Variants in DCHS2 observed in about 807,000 individuals in gnomAD.
The protein encoded by DCHS2 is protocadherin-23.
Under a neutral mutation model 182.4 loss-of-function variants are expected in DCHS2, and 142 were observed. The observed-to-expected ratio is 0.78, with a 90% CI of 0.68 to 0.89. DCHS2 has a LOEUF of 0.89. Among genes scored for constraint, DCHS2 ranks in the 40% least tolerant of loss-of-function variants. DCHS2 has a pLI of 0.00. For synonymous variants in DCHS2, 1,740 were observed against 1,663.3 expected, an observed-to-expected ratio of 1.05 and a Z score of -1.12; for missense variants, 4,319 against 4,198.6, an observed-to-expected ratio of 1.03 and a Z score of -0.79.
intron 1 of DCHS2, among the ~76,000 whole-genome samples, chr4:154,420,433 G>A (rs1217063064): frequency 6.6e-6 from 1 of 152,122 alleles, no homozygotes; most frequent in Non-Finnish European, 1.5e-5. Flanking sequence ...GAAGAGAATG[G>A]CATACCTCAG....
chr4:154,399,569 C>T (rs1408615983), intron 1 of DCHS2, among the ~76,000 whole-genome samples: 2 of 152,064 alleles, frequency 1.3e-5, no homozygotes, highest in Non-Finnish European at 2.9e-5. Flanking sequence ...ATGAGAACTG[C>T]GAATAATAAA....
chr4:154,279,450 G>T (rs569500297), intron 13 of DCHS2, among the ~76,000 whole-genome samples: 5 of 151,980 alleles, frequency 3.3e-5, no homozygotes, highest in Admixed American at 2.0e-4. Context: ...TGTAGGGTTG[G>T]CCATACTTTT....
chr4:154,375,262 C>T (rs960570666), intron 2 of DCHS2, among the ~76,000 whole-genome samples: 1 of 151,940 alleles, frequency 6.6e-6, no homozygotes, highest in African/African-American at 2.4e-5. Context: ...CTAAGATAAG[C>T]AAATATTTCT....
chr4:154,326,767 A>G (rs544372438), intron 7 of DCHS2, among the ~76,000 whole-genome samples: 1 of 152,240 alleles, frequency 6.6e-6, no homozygotes, highest in East Asian at 1.9e-4. Context: ...GAGTGAATCA[A>G]TACAATAGTG....
intron 1 of DCHS2, among the ~76,000 whole-genome samples, chr4:154,482,939 G>A (rs984965830): frequency 3.3e-5 from 5 of 152,304 alleles, no homozygotes; most frequent in South Asian, 2.1e-4. Context: ...TGCTTAAAGC[G>A]AATGAGGTTG....
At position 154,386,758 on chromosome 4, in the gene DCHS2, A is replaced by G. The variant is rs114379348; in HGVS notation, c.2053-9314T>C. ...AATCTAATACTGTGTATAGGATACA[A>G]GCACGTTTAAGAAATAAACTTTATG... On this transcript the variant is annotated intron_variant, in intron 1 of 19. Coordinates refer to ENST00000357232, the MANE Select transcript of DCHS2 (RefSeq NM_001358235.2). Among the ~76,000 whole-genome samples, 164 of 152,330 alleles carry G rather than the reference A, an allele frequency of 1.1e-3. 1 individual carries two copies. The highest frequency in any genetic ancestry group is 2.0e-3 in the Non-Finnish European group (137 of 68,032).
At chr4:154,424,673 G>T (rs1733250078) in intron 1 of DCHS2, among the ~76,000 whole-genome samples, 1 of 152,212 alleles carries the variant, frequency 6.6e-6, no homozygotes, top group Non-Finnish European at 1.5e-5. Context: ...TCTAAAAACT[G>T]CAACTTGTCA....
At chr4:154,384,011 T>C (rs182413477) in intron 1 of DCHS2, among the ~76,000 whole-genome samples, 1 of 152,312 alleles carries the variant, frequency 6.6e-6, no homozygotes, top group East Asian at 1.9e-4. Context: ...AGAAACAAAG[T>C]TATTAACACA....
Position 154,470,330 on chromosome 4 carries a change from A to G in DCHS2, c.2052+18974T>C, listed in dbSNP as rs577997913. Reference sequence around the variant, plus strand: ...AATACCCCATCTGTACAAAAATAAAATAAAATAATTAACCAGATGTTGTGG... The same window carrying G: ...AATACCCCATCTGTACAAAAATAAAGTAAAATAATTAACCAGATGTTGTGG... On this transcript the variant is annotated intron_variant, in intron 1 of 19. Coordinates refer to ENST00000357232, the MANE Select transcript of DCHS2 (RefSeq NM_001358235.2). 4.3e-4 allele frequency among the ~76,000 whole-genome samples: 66 copies of G among 152,198 alleles called. 1 individual carries two copies. Among genetic ancestry groups the G allele is most frequent in the African/African-American group, 1.6e-3 (66 of 41,542 alleles).
Position 154,489,578 on chromosome 4 carries a change from T to C in DCHS2, c.1778A>G (p.Gln593Arg). ...LSAPCNLGSL[Q>R]SKMVHTAECG... is the part of the protein sequence containing the mutation. ...CTCTGCGGTGTGGACCATCTTTGAT[T>C]GCAGGGAGCCGAGATTGCAGGGAGC... Residue 593 changes from glutamine to arginine, a missense_variant, in exon 1 of 20, where the codon CAA (glutamine) becomes CGA (arginine). Transcript: ENST00000357232. 6.4e-7 allele frequency: 1 copy of C among 1,550,842 alleles called. No homozygotes were observed. The highest frequency in any genetic ancestry group is 1.2e-5 in the South Asian group (1 of 84,036).
chr4:154,405,081 C>T (rs1844673), intron 1 of DCHS2, among the ~76,000 whole-genome samples: 107,238 of 151,696 alleles, frequency 0.71, 39,692 homozygotes, highest in Admixed American at 0.81. Context: ...ACCCCCTCTC[C>T]ACTAAAAATA....
At chr4:154,483,779 A>G (rs948211798) in intron 1 of DCHS2, among the ~76,000 whole-genome samples, 3 of 152,002 alleles carry the variant, frequency 2.0e-5, no homozygotes, top group Admixed American at 6.6e-5. Context: ...ACATAGCATT[A>G]TCATCACAGA....
chr4:154,402,662 G>T (rs944494344), intron 1 of DCHS2, among the ~76,000 whole-genome samples: 3 of 152,160 alleles, frequency 2.0e-5, no homozygotes, highest in African/African-American at 7.2e-5. Flanking sequence ...GACTTGCCTT[G>T]TCTCAAATGA....
chr4:154,361,637 C>A (rs114540178), intron 3 of DCHS2, among the ~76,000 whole-genome samples: 1 of 151,884 alleles, frequency 6.6e-6, no homozygotes, highest in African/African-American at 2.4e-5. Context: ...TCTCTCGTGG[C>A]GCCTAAACAC....
intron 3 of DCHS2, among the ~76,000 whole-genome samples, chr4:154,364,656 T>C (rs1185987626): frequency 6.6e-6 from 1 of 152,180 alleles, no homozygotes; most frequent in Non-Finnish European, 1.5e-5. Flanking sequence ...AGGCACAGTT[T>C]CCAGGCAGAA....
chr4:154,374,041 A>G (rs1266348261), intron 2 of DCHS2: 3 of 1,169,716 alleles, frequency 2.6e-6, no homozygotes, highest in African/African-American at 1.6e-5. Flanking sequence ...TTATATAACC[A>G]CCTCTATATC....
chr4:154,476,236 G>C (rs575162228), intron 1 of DCHS2, among the ~76,000 whole-genome samples: 2 of 152,126 alleles, frequency 1.3e-5, no homozygotes, highest in African/African-American at 2.4e-5. Flanking sequence ...GGAAACTCAA[G>C]GTTAAAAGAC....
chr4:154,255,729 G>A (rs1327637958), intron 15 of DCHS2, 59 bp from the exon 16 acceptor site: 2 of 1,503,260 alleles, frequency 1.3e-6, no homozygotes, highest in Non-Finnish European at 1.8e-6. Flanking sequence ...GGTTCAGTCT[G>A]TTTTTCAGAG....
chr4:154,269,784 C>T, intron 14 of DCHS2, 116 bp downstream of exon 14: 1 of 1,245,276 alleles, frequency 8.0e-7, no homozygotes, highest in Non-Finnish European at 1.1e-6. Flanking sequence ...TTAAAAAATT[C>T]TTTCTTGCTT....
Sources: allele counts gnomAD v4.1 joint callset (sites outside exome capture counted in the v4.1 genomes callset), GRCh38; gene constraint gnomAD v4.1.1; transcripts MANE v1.5; gene names NCBI Gene and HGNC (gene_info 2026-07-23, HGNC 2026-07-21).